SF3B3: variants seen among roughly 807,000 people sequenced by gnomAD.
SF3B3 encodes the protein SAP 130.
In SF3B3, 33 loss-of-function variants were observed where a neutral mutation model predicts 139.2. The observed-to-expected ratio is 0.24, with a 90% CI of 0.18 to 0.32. The LOEUF (loss-of-function observed/expected upper bound fraction) is 0.32. Among genes scored for constraint, SF3B3 ranks in the 10% least tolerant of loss-of-function variants. The pLI, the probability that SF3B3 is intolerant of heterozygous loss-of-function variation, is 1.00. For missense variants in SF3B3, 818 were observed against 1,509.4 expected (o/e 0.54, Z 7.59); for synonymous variants, 596 against 563.6 (o/e 1.06, Z -0.81).
chr16:70,575,526 TG>T lies in SF3B3; in HGVS notation c.*3714del, dbSNP rs1391207329. 2.0e-5 allele frequency: 3 copies of T among 152,396 alleles called. No homozygotes were observed. The highest frequency in any genetic ancestry group is 4.4e-5 in the Non-Finnish European group (3 of 68,226). 9.4% of individuals were successfully genotyped at this position (152,396 alleles called of 1,614,324 possible). A position where few individuals can be genotyped will look rare whatever the true frequency, so the allele number is the denominator to read the frequency against. ...GAGCTGTTTAAGCCATCAGGAGACA[TG>T]CTGACCCACTAGAAGAGGCTGCTAC... On this transcript the variant is annotated 3_prime_UTR_variant, in exon 26 of 26. Transcript: ENST00000302516.
intron 22 of SF3B3, 56 bp from the exon 23 acceptor site, chr16:70,568,987 G>A (rs1393216004): frequency 3.9e-6 from 5 of 1,283,294 alleles, no homozygotes; most frequent in Middle Eastern, 2.7e-4. Flanking sequence ...GTTGCTTGGT[G>A]ACTCAGGTGA....
rs2050498199 is a variant in SF3B3, at chr16:70,568,491, G to A, written c.3161G>A (p.Cys1054Tyr). ...VAGADKFGNI[C>Y]VVRLPPNTND... is the part of the protein sequence containing the mutation. ...GGGGCAGACAAGTTTGGCAACATAT[G>A]TGTGGTGAGTTGATGTTGTTAACTT... Residue 1054 changes from cysteine (C) to tyrosine (Y), a missense_variant, in exon 22 of 26, where the codon TGT (cysteine) becomes TAT (tyrosine). Cys to Tyr is a radical substitution (Grantham distance 194). Around this residue, in one of 14 missense-constraint regions of SF3B3, gnomAD observed 91 missense variants for 171.8 expected, o/e 0.53. Transcript: ENST00000302516. The A allele has an allele frequency of 6.2e-7, 1 of 1,612,736 alleles. No homozygotes were observed. Among genetic ancestry groups the A allele is most frequent in the East Asian group, 2.2e-5 (1 of 44,868 alleles).
chr16:70,539,049 A>T (rs2050194603), intron 7 of SF3B3, 55 bp from the exon 8 acceptor site: 1 of 1,243,880 alleles, frequency 8.0e-7, no homozygotes, highest in Non-Finnish European at 1.2e-6. Context: ...GCTGTCTTAT[A>T]ATACGGGGCT....
In SF3B3 at chr16:70,538,381, C is replaced by A. The variant is rs979655414; in HGVS notation, c.884C>A (p.Thr295Asn). Residue 295 changes from threonine (T) to asparagine (N), a missense_variant, in exon 7 of 26, where the codon ACC becomes AAC. Physicochemically the swap from Thr to Asn is moderately conservative, Grantham distance 65 (BLOSUM62 0). Around this residue, in one of 14 missense-constraint regions of SF3B3, gnomAD observed 80 missense variants for 206.5 expected, o/e 0.39. Transcript: ENST00000302516. ...TTTGTCTGCTCTGCAACCCATAAAA[C>A]CAAATCGATGTTCTTCTTTTTGGCT... ...MIFVCSATHK[T>N]KSMFFFLAQT... 1 of 1,613,764 alleles carries A rather than the reference C, an allele frequency of 6.2e-7. No homozygotes were observed. The highest frequency in any genetic ancestry group is 1.3e-5 in the African/African-American group (1 of 74,920).
intron 21 of SF3B3, 153 bp downstream of exon 21, chr16:70,567,689 T>G: frequency 9.5e-7 from 1 of 1,048,708 alleles, no homozygotes. Context: ...CTTGTTTTTT[T>G]GTTTTTTGGT....
At chr16:70,561,145 C>T (rs1040998554) in intron 16 of SF3B3, among the ~76,000 whole-genome samples, 4 of 152,128 alleles carry the variant, frequency 2.6e-5, no homozygotes, top group South Asian at 2.1e-4. Flanking sequence ...CTCAGCCTCC[C>T]GATTAGCTGG....
chr16:70,541,809 G>A lies in SF3B3; in HGVS notation c.1208G>A (p.Ser403Asn). 1 of 1,614,034 alleles carries A rather than the reference G, an allele frequency of 6.2e-7. No individual in the cohort carries two copies. Among genetic ancestry groups the A allele is most frequent in the Non-Finnish European group, 8.5e-7 (1 of 1,179,938 alleles). The part of the protein sequence containing the change: ...KNLVLVDELD[S>N]LSPILFCQIA... ...CTTGTGCTGGTTGATGAGTTGGACAGCCTCTCTCCCATTCTGTTTTGCCAG... is the reference window on the plus strand; with the variant it reads ...CTTGTGCTGGTTGATGAGTTGGACAACCTCTCTCCCATTCTGTTTTGCCAG... The change falls in exon 9 of 26, where the codon AGC becomes AAC. Residue 403 changes from serine (S) to asparagine (N), a missense_variant. By Grantham distance (46) the Ser-to-Asn change is conservative. This residue lies in a region of SF3B3 where 26 missense variants were observed against 25.5 expected (regional missense o/e 1.02). Coordinates refer to ENST00000302516, the MANE Select transcript of SF3B3 (RefSeq NM_012426.5).
chr16:70,526,778 C>T (rs776764473), intron 2 of SF3B3, 52 bp downstream of exon 2: 1 of 1,196,152 alleles, frequency 8.4e-7, no homozygotes, highest in Non-Finnish European at 1.2e-6. Flanking sequence ...TAATACATAT[C>T]TTGCTTAGTC....
At chr16:70,566,549 G>A (rs966424867) in intron 20 of SF3B3, among the ~76,000 whole-genome samples, 2 of 152,178 alleles carry the variant, frequency 1.3e-5, no homozygotes, top group Non-Finnish European at 2.9e-5. Context: ...GTGACAGAGC[G>A]AGACTCTGTC....
rs1427244136 is a variant in SF3B3 at position 70,574,051 on chromosome 16, T to C, written c.*2238T>C. On this transcript the variant is annotated 3_prime_UTR_variant, in exon 26 of 26. Coordinates refer to ENST00000302516, the MANE Select transcript of SF3B3 (RefSeq NM_012426.5). ...AAGGCTCGTCTCACAGGGAGAGTGCTGGTCCCCAGAATGTGTGCTGTTCCC... is the reference window on the plus strand; with the variant it reads ...AAGGCTCGTCTCACAGGGAGAGTGCCGGTCCCCAGAATGTGTGCTGTTCCC... The C allele has an allele frequency of 6.6e-6, 1 of 152,210 alleles. No homozygotes were observed. Among genetic ancestry groups the C allele is most frequent in the Non-Finnish European group, 1.5e-5 (1 of 68,040 alleles). 9.4% of individuals were successfully genotyped at this position (152,210 alleles called of 1,614,324 possible). A position where few individuals can be genotyped will look rare whatever the true frequency, so the allele number is the denominator to read the frequency against.
At chr16:70,554,259 C>A in intron 11 of SF3B3, 187 bp from the exon 12 acceptor site, 1 of 540,472 alleles carries the variant, frequency 1.9e-6, no homozygotes. Flanking sequence ...TATCTGTAGG[C>A]TCTTCTGACC....
At chr16:70,525,082 C>G (rs574609752) in intron 1 of SF3B3, 4 of 152,044 alleles carry the variant, frequency 2.6e-5, no homozygotes, top group African/African-American at 9.7e-5. Flanking sequence ...CAGGCTGGAG[C>G]GCAGCGGCTT....
Position 70,541,830 on chromosome 16 carries a change from G to T in SF3B3, c.1229G>T (p.Cys410Phe). The T allele has an allele frequency of 6.2e-7, 1 of 1,612,976 alleles. No homozygotes were observed. Among genetic ancestry groups the T allele is most frequent in the African/African-American group, 1.3e-5 (1 of 74,990 alleles). ...ELDSLSPILF[C>F]QIADLANEDT... is the part of the protein sequence containing the mutation. ...GACAGCCTCTCTCCCATTCTGTTTT[G>T]CCAGGTTGGTGGGCCTTTCCAGCCC... The change falls in exon 9 of 26, where the codon TGC (cysteine) becomes TTC (phenylalanine). Residue 410 changes from cysteine to phenylalanine, a missense_variant. Physicochemically the swap from Cys to Phe is radical, Grantham distance 205. Transcript: ENST00000302516.
At position 70,526,299 on chromosome 16, in the gene SF3B3, C is replaced by G. The variant is rs1461280502; in HGVS notation, c.-70-288C>G. The stretch of plus-strand genomic sequence containing the variant: ...GTTGGCTCACCACAACCTCCGCCTC[C>G]CAGGTTCAAGCGATTCTCCTGCCTC... On this transcript the variant is annotated intron_variant, in intron 1 of 25. Coordinates refer to ENST00000302516, the MANE Select transcript of SF3B3 (RefSeq NM_012426.5). 2.6e-5 allele frequency among the ~76,000 whole-genome samples: 4 copies of G among 152,020 alleles called. 1 individual carries two copies. Among genetic ancestry groups the G allele is most frequent in the South Asian group, 2.1e-4 (1 of 4,820 alleles).
intron 12 of SF3B3, 54 bp from the exon 13 acceptor site, chr16:70,554,997 C>G (rs1597718626): frequency 6.4e-7 from 1 of 1,557,276 alleles, no homozygotes; most frequent in East Asian, 2.3e-5. Flanking sequence ...GAGGGTCATT[C>G]TGAGTGATGA....
At chr16:70,567,978 A>T (rs908721593) in intron 21 of SF3B3, among the ~76,000 whole-genome samples, 1 of 152,184 alleles carries the variant, frequency 6.6e-6, no homozygotes, top group Non-Finnish European at 1.5e-5. Flanking sequence ...GAGCCACCGC[A>T]CCGGCCCTTG....
At chr16:70,556,622 C>A in intron 14 of SF3B3, 1 of 596,382 alleles carries the variant, frequency 1.7e-6, no homozygotes, top group Non-Finnish European at 2.9e-6. Flanking sequence ...CTGCAGGACC[C>A]TAGGTGACTT....
At chr16:70,544,307 C>T in intron 9 of SF3B3, 131 bp from the exon 10 acceptor site, 2 of 628,192 alleles carry the variant, frequency 3.2e-6, no homozygotes, top group Non-Finnish European at 5.7e-6. Context: ...AGATCATTCA[C>T]CTCTTTTCAC....
intron 10 of SF3B3, among the ~76,000 whole-genome samples, chr16:70,545,080 T>C (rs2050255156): frequency 6.6e-6 from 1 of 152,162 alleles, no homozygotes; most frequent in Admixed American, 6.6e-5. Context: ...TTCATTTATT[T>C]TTGAGATGGG....
Sources: allele counts gnomAD v4.1 joint callset (sites outside exome capture counted in the v4.1 genomes callset), GRCh38; gene constraint gnomAD v4.1.1; regional missense constraint gnomAD v4.1.1; transcripts MANE v1.5; gene names NCBI Gene and HGNC (gene_info 2026-07-23, HGNC 2026-07-21).